The following SLCO2B1 variants were observed in gnomAD, a reference collection of about 807,000 sequenced individuals.
SLCO2B1 encodes the protein solute carrier organic anion transporter family member 2B1.
Under a neutral mutation model 67.3 loss-of-function variants are expected in SLCO2B1, and 41 were observed. That is an observed-to-expected ratio of 0.61 (90% CI 0.47 to 0.79). SLCO2B1 has a LOEUF of 0.79. Ranked by LOEUF, SLCO2B1 falls within the 30% of genes least tolerant of loss-of-function variation. The pLI, the probability that SLCO2B1 is intolerant of heterozygous loss-of-function variation, is 0.00. For missense variants in SLCO2B1, 837 were observed against 920.1 expected, an observed-to-expected ratio of 0.91 and a Z score of 1.17; for synonymous variants, 379 against 381.4, an observed-to-expected ratio of 0.99 and a Z score of 0.07.
At chr11:75,156,523 T>A (rs1949748172) in intron 1 of SLCO2B1, among the ~76,000 whole-genome samples, 1 of 152,044 alleles carries the variant, frequency 6.6e-6, no homozygotes, top group South Asian at 2.1e-4. Context: ...CCAACACCTC[T>A]GGAGGGAGGT....
chr11:75,151,306 T>C lies in SLCO2B1; in HGVS notation c.-76T>C, dbSNP rs1949684680. 2 of 1,419,634 alleles carry C rather than the reference T, an allele frequency of 1.4e-6. No homozygotes were observed. The highest frequency in any genetic ancestry group is 2.3e-5 in the East Asian group (1 of 43,148). 87.9% of individuals were successfully genotyped at this position (1,419,634 alleles called of 1,614,324 possible). On this transcript the variant is annotated 5_prime_UTR_variant, in exon 1 of 14. Coordinates refer to ENST00000289575, the MANE Select transcript of SLCO2B1 (RefSeq NM_007256.5). Reference sequence around the variant, plus strand: ...CTGTCTCCAGGAGCCCCTGAGAAGATTTGCTTCCTCTCCCCTGCTAAGCTC... The same window carrying C: ...CTGTCTCCAGGAGCCCCTGAGAAGACTTGCTTCCTCTCCCCTGCTAAGCTC...
chr11:75,164,109 C>A lies in SLCO2B1; in HGVS notation c.285+9C>A. 6.2e-7 allele frequency: 1 copy of A among 1,605,574 alleles called. No individual in the cohort carries two copies. Reference sequence around the variant, plus strand: ...TGGCCTCCTTCAACGAGGTACAGGCCCCACCCAGCCACAGGGGTGGACACT... The same window carrying A: ...TGGCCTCCTTCAACGAGGTACAGGCACCACCCAGCCACAGGGGTGGACACT... On this transcript the variant is annotated intron_variant, in intron 3 of 13. Transcript: ENST00000289575.
intron 6 of SLCO2B1, 76 bp downstream of exon 6, chr11:75,169,840 G>A: frequency 7.9e-7 from 1 of 1,261,482 alleles, no homozygotes; most frequent in Middle Eastern, 1.9e-4. Context: ...TGAGCCAGGG[G>A]ACCTCGGTTC....
intron 3 of SLCO2B1, 38 bp from the exon 4 acceptor site, chr11:75,165,749 A>G (rs1386325223): frequency 6.2e-7 from 1 of 1,607,534 alleles, no homozygotes; most frequent in Non-Finnish European, 8.5e-7. Context: ...AGCCCTGGGA[A>G]CTGTTCCACC....
intron 8 of SLCO2B1, among the ~76,000 whole-genome samples, chr11:75,190,014 A>C (rs963111156): frequency 2.7e-5 from 4 of 150,786 alleles, no homozygotes; most frequent in African/African-American, 9.8e-5. Context: ...TCTAGCCCCC[A>C]GTTTTTTCAG....
intron 7 of SLCO2B1, among the ~76,000 whole-genome samples, chr11:75,181,091 G>A (rs191611637): frequency 6.5e-4 from 99 of 152,252 alleles, no homozygotes; most frequent in African/African-American, 2.2e-3. Context: ...AGCCAGGGCC[G>A]GTTGCCGTGG....
Position 75,193,542 on chromosome 11 carries a change from G to A in SLCO2B1, c.1400G>A (p.Ser467Asn). ...CCGCTCTTCTTTATCGGCTGCTCCA[G>A]CCACCAGATTGCGGGCATCACACAC... ...SLPLFFIGCSSHQIAGITHQT... is the reference protein window; with the variant it reads ...SLPLFFIGCSNHQIAGITHQT... The change falls in exon 9 of 14, where the codon AGC becomes AAC. Residue 467 changes from serine to asparagine, a missense_variant. Physicochemically the swap from Ser to Asn is conservative, Grantham distance 46 (BLOSUM62 1). Transcript: ENST00000289575. The surrounding 1 kb of genome is among the most constrained non-coding windows in gnomAD (Gnocchi z 4.2). 2 of 1,571,522 alleles carry A rather than the reference G, an allele frequency of 1.3e-6. No individual in the cohort carries two copies. The highest frequency in any genetic ancestry group is 1.7e-6 in the Non-Finnish European group (2 of 1,157,600).
intron 4 of SLCO2B1, among the ~76,000 whole-genome samples, chr11:75,167,699 AC>A (rs1949909370): frequency 6.6e-6 from 1 of 151,900 alleles, no homozygotes; most frequent in Non-Finnish European, 1.5e-5. Context: ...CACACTCACC[AC>A]CCACCACTCT....
chr11:75,190,148 G>T lies in SLCO2B1; in HGVS notation c.1075+1910G>T, dbSNP rs191609254. On this transcript the variant is annotated intron_variant, in intron 8 of 13. Coordinates refer to ENST00000289575, the MANE Select transcript of SLCO2B1 (RefSeq NM_007256.5). Reference sequence around the variant, plus strand: ...TAGGTCCCCGGCACTCTGCGCTGCTGAATTGCTTATTAATCACTGTTTGGG... The same window carrying T: ...TAGGTCCCCGGCACTCTGCGCTGCTTAATTGCTTATTAATCACTGTTTGGG... Among the ~76,000 whole-genome samples, 171 of 152,322 alleles carry T rather than the reference G, an allele frequency of 1.1e-3. 1 individual carries two copies. Among genetic ancestry groups the T allele is most frequent in the Non-Finnish European group, 1.7e-3 (115 of 68,030 alleles).
At chr11:75,179,736 T>A (rs898120776) in intron 7 of SLCO2B1, among the ~76,000 whole-genome samples, 7 of 152,214 alleles carry the variant, frequency 4.6e-5, no homozygotes, top group Non-Finnish European at 8.8e-5. Flanking sequence ...GGTTTTGTTT[T>A]GTTTTGTTTT....
At chr11:75,169,458 A>G in intron 5 of SLCO2B1, 52 bp downstream of exon 5, 1 of 1,474,664 alleles carries the variant, frequency 6.8e-7, no homozygotes, top group East Asian at 2.3e-5. Context: ...AGGCTCAACT[A>G]GGAGGAAGAG....
intron 7 of SLCO2B1, among the ~76,000 whole-genome samples, chr11:75,179,887 G>T (rs1209412372): frequency 6.7e-6 from 1 of 150,354 alleles, no homozygotes; most frequent in Non-Finnish European, 1.5e-5. Context: ...CAGGCTCCAG[G>T]CTCCATGTTG....
In SLCO2B1 at chr11:75,151,290, G is replaced by A; in HGVS notation, c.-92G>A. ...TGTGGCTCACCTGCTGCTGTCTCCA[G>A]GAGCCCCTGAGAAGATTTGCTTCCT... On this transcript the variant is annotated 5_prime_UTR_variant, in exon 1 of 14. Coordinates refer to ENST00000289575, the MANE Select transcript of SLCO2B1 (RefSeq NM_007256.5). The A allele has an allele frequency of 8.3e-7, 1 of 1,200,296 alleles. No homozygotes were observed. Among genetic ancestry groups the A allele is most frequent in the Non-Finnish European group, 1.2e-6 (1 of 824,512 alleles). 74.4% of individuals were successfully genotyped at this position (1,200,296 alleles called of 1,614,324 possible).
chr11:75,181,999 C>T (rs1950097158), intron 7 of SLCO2B1, among the ~76,000 whole-genome samples: 1 of 152,258 alleles, frequency 6.6e-6, no homozygotes. Flanking sequence ...AAATCTCAGC[C>T]TGGCCTTCCA....
In SLCO2B1 at chr11:75,205,488, CA is replaced by C. The variant is rs1413780886; in HGVS notation, c.*909del. On this transcript the variant is annotated 3_prime_UTR_variant, in exon 14 of 14. Coordinates refer to ENST00000289575, the MANE Select transcript of SLCO2B1 (RefSeq NM_007256.5). ...ATTGCCAAGATTTCACACATGTGAC[CA>C]GGGGCCACCAAAGTCCCTGTGACCT... 2 of 152,282 alleles carry C rather than the reference CA, an allele frequency of 1.3e-5. No individual in the cohort carries two copies. The highest frequency in any genetic ancestry group is 2.9e-5 in the Non-Finnish European group (2 of 68,062). The allele number at this position is 152,282 out of a possible 1,614,324, so 9.4% of individuals were successfully genotyped here. A position where few individuals can be genotyped will look rare whatever the true frequency, so the allele number is the denominator to read the frequency against.
chr11:75,185,739 A>T (rs1489018140), intron 7 of SLCO2B1, among the ~76,000 whole-genome samples: 1 of 152,166 alleles, frequency 6.6e-6, no homozygotes, highest in Non-Finnish European at 1.5e-5. Context: ...TAGGCAGAGC[A>T]GGGTGTTCCC....
intron 1 of SLCO2B1, among the ~76,000 whole-genome samples, chr11:75,158,642 T>A (rs953669476): frequency 6.6e-6 from 1 of 152,228 alleles, no homozygotes; most frequent in African/African-American, 2.4e-5. Flanking sequence ...CAAGGTGCCA[T>A]ATTTGGAGAA....
intron 1 of SLCO2B1, among the ~76,000 whole-genome samples, chr11:75,155,760 G>A (rs926467657): frequency 4.6e-5 from 7 of 152,200 alleles, no homozygotes; most frequent in African/African-American, 1.4e-4. Context: ...GAGGCCAGGC[G>A]TGAGCCAGGC....
chr11:75,202,493 A>G (rs58941788), intron 11 of SLCO2B1: 6,294 of 212,714 alleles, frequency 0.03, 167 homozygotes, highest in African/African-American at 0.076. Flanking sequence ...CATAAATGCC[A>G]GCCACTGGTG....
Sources: allele counts gnomAD v4.1 joint callset (sites outside exome capture counted in the v4.1 genomes callset), GRCh38; gene constraint gnomAD v4.1.1; non-coding constraint Gnocchi (gnomAD v3.1); transcripts MANE v1.5; gene names NCBI Gene and HGNC (gene_info 2026-07-23, HGNC 2026-07-21).